The following PLCD3 variants were observed in gnomAD, a reference collection of about 807,000 sequenced individuals.
PLCD3 encodes phospholipase C delta 3, also known as 1-phosphatidylinositol 4,5-bisphosphate phosphodiesterase delta-3.
Under a neutral mutation model 82.8 loss-of-function variants are expected in PLCD3, and 62 were observed. The ratio of observed to expected loss-of-function variants is 0.75; its 90% CI spans 0.61 to 0.93. PLCD3 has a LOEUF of 0.93. PLCD3 is among the 40% of genes least tolerant of loss of function. PLCD3 has a pLI of 0.00. For missense variants in PLCD3, 1,023 were observed against 1,103.4 expected (o/e 0.93, Z 1.03); for synonymous variants, 478 against 471.8 (o/e 1.01, Z -0.17).
Position 45,118,478 on chromosome 17 carries a change from G to A in PLCD3, c.928C>T (p.Leu310=). 6.2e-7 allele frequency: 1 copy of A among 1,613,932 alleles called. No homozygotes were observed. Among genetic ancestry groups the A allele is most frequent in the Non-Finnish European group, 8.5e-7 (1 of 1,179,874 alleles). ...ATCATGAAGCCATCCAGTGTCATCAGCTCATGCTGCTTGGCTGCAGGGGTG... is the reference window on the plus strand; with the variant it reads ...ATCATGAAGCCATCCAGTGTCATCAACTCATGCTGCTTGGCTGCAGGGGTG... ...ELNETAKQHE[L]MTLDGFMMYL... is the part of the protein sequence containing the mutation. Residue 310 remains leucine (L), a synonymous_variant, in exon 6 of 15, where the codon CTG becomes TTG. Transcript: ENST00000619929. The surrounding 1 kb of genome is among the most constrained non-coding windows in gnomAD (Gnocchi z 4.1).
intron 1 of PLCD3, among the ~76,000 whole-genome samples, chr17:45,124,463 C>G (rs1465341436): frequency 7.1e-6 from 1 of 139,922 alleles, no homozygotes; most frequent in African/African-American, 2.6e-5. Context: ...GGGTGCAGTC[C>G]CAGGCGGGGC....
chr17:45,115,491 C>T lies in PLCD3; in HGVS notation c.1414-1G>A. 1 of 1,607,150 alleles carries T rather than the reference C, an allele frequency of 6.2e-7. No homozygotes were observed. Among genetic ancestry groups the T allele is most frequent in the Non-Finnish European group, 8.5e-7 (1 of 1,177,070 alleles). The stretch of plus-strand genomic sequence containing the variant: ...TCACCAGGACCCGGCCCTTCAGCTG[C>T]TGTGGGGGCCAACGTGGAGGATGAA... On this transcript the variant is annotated splice_acceptor_variant, in intron 8 of 14. Coordinates refer to ENST00000619929, the MANE Select transcript of PLCD3 (RefSeq NM_133373.5). LOFTEE classifies it high-confidence loss of function.
chr17:45,130,733 C>G (rs1389122797), intron 1 of PLCD3, among the ~76,000 whole-genome samples: 1 of 152,124 alleles, frequency 6.6e-6, no homozygotes. Flanking sequence ...GCCCCCCACT[C>G]TCCACACTCA....
chr17:45,132,457 C>T lies in PLCD3; in HGVS notation c.-47G>A. The T allele has an allele frequency of 8.7e-7, 1 of 1,143,762 alleles. No homozygotes were observed. The highest frequency in any genetic ancestry group is 1.1e-6 in the Non-Finnish European group (1 of 921,940). 70.9% of individuals were successfully genotyped at this position (1,143,762 alleles called of 1,614,324 possible). A position where few individuals can be genotyped will look rare whatever the true frequency, so the allele number is the denominator to read the frequency against. On this transcript the variant is annotated 5_prime_UTR_variant, in exon 1 of 15. Coordinates refer to ENST00000619929, the MANE Select transcript of PLCD3 (RefSeq NM_133373.5). The surrounding 1 kb of genome is among the most constrained non-coding windows in gnomAD (Gnocchi z 4.6). Reference sequence around the variant, plus strand: ...CGGGCCCGGGGTCTGCACGCGGGGACAGGGCAGCGGGGCGCCGCTCTGGCC... The same window carrying T: ...CGGGCCCGGGGTCTGCACGCGGGGATAGGGCAGCGGGGCGCCGCTCTGGCC...
Position 45,112,588 on chromosome 17 carries a change from A to C in PLCD3, c.*28T>G. 6.4e-7 allele frequency: 1 copy of C among 1,566,218 alleles called. No homozygotes were observed. Among genetic ancestry groups the C allele is most frequent in the Non-Finnish European group, 8.7e-7 (1 of 1,152,608 alleles). ...GCAGGGGATGTGGACTGGCACTCGC[A>C]GAACCCCAAGGCGAGTGAGGTGGGC... On this transcript the variant is annotated 3_prime_UTR_variant, in exon 15 of 15. Transcript: ENST00000619929.
Position 45,119,028 on chromosome 17 carries a change from T to C in PLCD3, c.700A>G (p.Asn234Asp), listed in dbSNP as rs1169936515. 2 of 1,609,448 alleles carry C rather than the reference T, an allele frequency of 1.2e-6. No homozygotes were observed. Among genetic ancestry groups the C allele is most frequent in the African/African-American group, 2.7e-5 (2 of 74,856 alleles). The change falls in exon 5 of 15, where the codon AAC becomes GAC. Residue 234 changes from asparagine to aspartate, a missense_variant. Physicochemically the swap from Asn to Asp is conservative, Grantham distance 23. Transcript: ENST00000619929. ...YLLFKECDHS[N>D]NDRLEGAEIE... is the part of the protein sequence containing the mutation. ...TCAGCCCCCTCTAGACGGTCGTTGT[T>C]GGAGTGGTCACACTCCTGGGGAGCA...
chr17:45,127,794 ATGTG>A (rs1196590329), intron 1 of PLCD3, among the ~76,000 whole-genome samples: 6 of 114,912 alleles, frequency 5.2e-5, no homozygotes, highest in South Asian at 3.2e-4. Context: ...GTGTGAGTGA[ATGTG>A]TGTGAGTGTG....
In PLCD3 at chr17:45,118,999, G is replaced by A. The variant is rs567798651; in HGVS notation, c.729C>T (p.Ile243=). ...TCAGCAGCCGCCGCAGGAACTCCTCGATCTCAGCCCCCTCTAGACGGTCGT... is the reference window on the plus strand; with the variant it reads ...TCAGCAGCCGCCGCAGGAACTCCTCAATCTCAGCCCCCTCTAGACGGTCGT... ...SNNDRLEGAE[I]EEFLRRLLKR... The change falls in exon 5 of 15, where the codon ATC becomes ATT. Residue 243 remains isoleucine, a synonymous_variant. Transcript: ENST00000619929. This position sits in a 1 kb window ranked among gnomAD's most constrained non-coding sequence, Gnocchi z 4.1. The A allele has an allele frequency of 7.4e-6, 12 of 1,612,228 alleles. No individual in the cohort carries two copies. Among genetic ancestry groups the A allele is most frequent in the Middle Eastern group, 1.6e-4 (1 of 6,078 alleles).
At chr17:45,113,738 A>C in intron 11 of PLCD3, 133 bp from the exon 12 acceptor site, 2 of 1,128,866 alleles carry the variant, frequency 1.8e-6, no homozygotes, top group Non-Finnish European at 2.5e-6. Context: ...TGCTCCCACC[A>C]TGACTTTAGG....
chr17:45,124,837 T>G (rs2054369200), intron 1 of PLCD3, among the ~76,000 whole-genome samples: 2 of 152,130 alleles, frequency 1.3e-5, no homozygotes, highest in Admixed American at 6.5e-5. Context: ...AGTGACTGAG[T>G]GGGTGGAGAC....
At chr17:45,124,145 C>A (rs1441063986) in intron 1 of PLCD3, among the ~76,000 whole-genome samples, 2 of 152,226 alleles carry the variant, frequency 1.3e-5, no homozygotes, top group African/African-American at 4.8e-5. Flanking sequence ...CCTCCCCTAC[C>A]TAGGCCAGCC....
chr17:45,114,425 C>G (rs745767250), intron 10 of PLCD3, 59 bp from the exon 11 acceptor site: 14 of 1,382,114 alleles, frequency 1.0e-5, no homozygotes, highest in African/African-American at 1.5e-5. Context: ...CCCAAAGCCC[C>G]GGCCTGTAAC....
Position 45,120,918 on chromosome 17 carries a change from G to T in PLCD3, c.538C>A (p.Arg180Ser). Reference protein sequence around the residue: ...LRARLDAMSQRERLDHWIHSY... With the variant: ...LRARLDAMSQSERLDHWIHSY... Reference sequence around the variant, plus strand: ...GCAGGATATTGGTCTAGCCGCTCGCGCTGGCTCATGGCGTCCAGGCGCGCG... The same window carrying T: ...GCAGGATATTGGTCTAGCCGCTCGCTCTGGCTCATGGCGTCCAGGCGCGCG... The change falls in exon 3 of 15, where the codon CGC becomes AGC. Residue 180 changes from arginine (R) to serine (S), a missense_variant. Physicochemically the swap from Arg to Ser is moderately radical, Grantham distance 110 (BLOSUM62 -1). This residue lies in a region of PLCD3 where 448 missense variants were observed against 406.3 expected (regional missense o/e 1.10). Coordinates refer to ENST00000619929, the MANE Select transcript of PLCD3 (RefSeq NM_133373.5). 6.9e-7 allele frequency: 1 copy of T among 1,443,708 alleles called. No homozygotes were observed. The highest frequency in any genetic ancestry group is 1.5e-5 in the African/African-American group (1 of 67,882). 89.4% of individuals were successfully genotyped at this position (1,443,708 alleles called of 1,614,324 possible).
At chr17:45,117,957 G>A (rs1269485281) in intron 7 of PLCD3, 37 bp downstream of exon 7, 7 of 1,609,098 alleles carry the variant, frequency 4.4e-6, no homozygotes, top group Non-Finnish European at 5.9e-6. Context: ...TCATTGGGAA[G>A]GCTGTGGGGC....
intron 1 of PLCD3, among the ~76,000 whole-genome samples, chr17:45,126,056 T>G (rs1472652193): frequency 6.6e-6 from 1 of 151,800 alleles, no homozygotes; most frequent in Non-Finnish European, 1.5e-5. Context: ...TTTTTTTTTT[T>G]TTTTTGAGAT....
chr17:45,121,959 CAA>C (rs112126121), intron 1 of PLCD3, among the ~76,000 whole-genome samples: 2 of 137,352 alleles, frequency 1.5e-5, no homozygotes. Context: ...TGCGTCTTAA[CAA>C]AAAAAAAAAA....
intron 1 of PLCD3, among the ~76,000 whole-genome samples, chr17:45,125,364 C>T (rs925512079): frequency 2.8e-4 from 42 of 151,860 alleles, no homozygotes; most frequent in Admixed American, 1.1e-3. Context: ...TTTGGGAGGC[C>T]GAGGCAGGCA....
intron 8 of PLCD3, 102 bp from the exon 9 acceptor site, chr17:45,115,592 G>C (rs766519579): frequency 7.4e-6 from 8 of 1,078,396 alleles, no homozygotes; most frequent in South Asian, 4.5e-5. Context: ...GCTGGCTAGG[G>C]GTGGGAGGCA....
At chr17:45,114,423 C>T (rs777629455) in intron 10 of PLCD3, 57 bp from the exon 11 acceptor site, 1 of 1,417,434 alleles carries the variant, frequency 7.1e-7, no homozygotes, top group South Asian at 1.3e-5. Context: ...CACCCAAAGC[C>T]CCGGCCTGTA....
Sources: allele counts gnomAD v4.1 joint callset (sites outside exome capture counted in the v4.1 genomes callset), GRCh38; gene constraint gnomAD v4.1.1; regional missense constraint gnomAD v4.1.1; non-coding constraint Gnocchi (gnomAD v3.1); transcripts MANE v1.5; gene names NCBI Gene and HGNC (gene_info 2026-07-23, HGNC 2026-07-21).